SPAG16: variants seen among roughly 807,000 people sequenced by gnomAD.
SPAG16 encodes the protein sperm-associated antigen 16 protein.
A neutral mutation model predicts 80.4 loss-of-function variants in SPAG16; 86 were observed. The ratio of observed to expected loss-of-function variants is 1.07; its 90% CI spans 0.90 to 1.28. SPAG16 has a LOEUF of 1.28. SPAG16 is among the 50% of genes most tolerant of loss of function. The probability of loss-of-function intolerance (pLI) is 0.00; values close to 1 mark genes in which losing one functional copy is unlikely to be tolerated. For missense variants in SPAG16, 870 were observed against 765.3 expected (o/e 1.14, Z -1.61); for synonymous variants, 294 against 265.9 (o/e 1.11, Z -1.03).
At chr2:213,334,105 T>C (rs749102744) in intron 5 of SPAG16, among the ~76,000 whole-genome samples, 14 of 151,840 alleles carry the variant, frequency 9.2e-5, no homozygotes, top group Non-Finnish European at 1.9e-4. Context: ...TATAAGAAAC[T>C]CTATAGGAAA....
intron 14 of SPAG16, among the ~76,000 whole-genome samples, chr2:214,108,481 C>CACCCA (rs879629337): frequency 2.7e-5 from 2 of 74,850 alleles, no homozygotes; most frequent in African/African-American, 1.4e-4. Flanking sequence ...ACACACACAC[C>CACCCA]CCCACACACA....
chr2:213,919,473 T>C (rs1410021945), intron 11 of SPAG16, among the ~76,000 whole-genome samples: 1 of 152,220 alleles, frequency 6.6e-6, no homozygotes, highest in Non-Finnish European at 1.5e-5. Context: ...CCAGAAATTT[T>C]GGTATGTTGT....
At chr2:213,544,960 T>C (rs1237790200) in intron 10 of SPAG16, among the ~76,000 whole-genome samples, 3 of 152,134 alleles carry the variant, frequency 2.0e-5, no homozygotes, top group African/African-American at 7.2e-5. Flanking sequence ...TTGAAAATTG[T>C]GAAGAAAGCT....
intron 11 of SPAG16, among the ~76,000 whole-genome samples, chr2:213,888,257 T>C (rs2076643313): frequency 6.6e-6 from 1 of 151,888 alleles, no homozygotes; most frequent in Non-Finnish European, 1.5e-5. Context: ...TTTTATTTTC[T>C]GACAAAGCTC....
At chr2:214,313,679 C>T (rs1695483228) in intron 15 of SPAG16, among the ~76,000 whole-genome samples, 2 of 151,942 alleles carry the variant, frequency 1.3e-5, no homozygotes, top group South Asian at 2.1e-4. Flanking sequence ...TTCACATGAC[C>T]TCTTTGCAAT....
chr2:213,541,484 G>T (rs2076445573), intron 10 of SPAG16, among the ~76,000 whole-genome samples: 1 of 152,136 alleles, frequency 6.6e-6, no homozygotes, highest in Admixed American at 6.5e-5. Flanking sequence ...GCCTGGCGTG[G>T]TGGCACACAC....
At chr2:213,993,412 C>T (rs1476764212) in intron 12 of SPAG16, among the ~76,000 whole-genome samples, 1 of 152,080 alleles carries the variant, frequency 6.6e-6, no homozygotes, top group East Asian at 1.9e-4. Flanking sequence ...TGCATATGTA[C>T]AAATAATTTG....
intron 14 of SPAG16, among the ~76,000 whole-genome samples, chr2:214,122,236 T>C (rs2125459553): frequency 6.6e-6 from 1 of 151,930 alleles, no homozygotes; most frequent in Admixed American, 6.6e-5. Context: ...GTATGAAACC[T>C]GAGCTAAATC....
At position 213,979,742 on chromosome 2, in the gene SPAG16, G is replaced by A. The variant is rs571188931; in HGVS notation, c.1401-34209G>A. On this transcript the variant is annotated intron_variant, in intron 12 of 15. Transcript: ENST00000331683. The stretch of plus-strand genomic sequence containing the variant: ...TGGAGTCACAGACCTGAACCATATC[G>A]CCACCTAAACCTCATGCCTCACCTA... Among the ~76,000 whole-genome samples the A allele has an allele frequency of 3.9e-5, 6 of 152,066 alleles. No homozygotes were observed. The South Asian group carries it at 1.0e-3, about 26-fold the overall frequency.
intron 10 of SPAG16, among the ~76,000 whole-genome samples, chr2:213,806,908 A>C (rs536742689): frequency 1.3e-5 from 2 of 152,174 alleles, no homozygotes; most frequent in Non-Finnish European, 2.9e-5. Flanking sequence ...TCTTTACTAA[A>C]CAGTAAATGC....
At chr2:213,748,641 CG>C (rs1207605507) in intron 10 of SPAG16, among the ~76,000 whole-genome samples, 1 of 151,932 alleles carries the variant, frequency 6.6e-6, no homozygotes, top group Admixed American at 6.5e-5. Context: ...TGAAAGTAAG[CG>C]TAAGGACTAT....
At chr2:214,047,272 C>G (rs1050672757) in intron 13 of SPAG16, among the ~76,000 whole-genome samples, 3 of 152,084 alleles carry the variant, frequency 2.0e-5, no homozygotes, top group African/African-American at 7.2e-5. Flanking sequence ...ATCACATTAC[C>G]TGACTTCAAA....
intron 10 of SPAG16, among the ~76,000 whole-genome samples, chr2:213,853,744 T>C (rs2075022080): frequency 6.6e-6 from 1 of 152,196 alleles, no homozygotes; most frequent in Admixed American, 6.5e-5. Flanking sequence ...TGAAGTAAAA[T>C]GACTTTGTGG....
intron 10 of SPAG16, among the ~76,000 whole-genome samples, chr2:213,712,118 G>A (rs770236200): frequency 4.6e-5 from 7 of 151,896 alleles, no homozygotes; most frequent in Non-Finnish European, 2.9e-5. Context: ...CAATGATATG[G>A]CCATGGATGT....
chr2:214,252,962 T>C (rs192972809), intron 15 of SPAG16, among the ~76,000 whole-genome samples: 1 of 152,240 alleles, frequency 6.6e-6, no homozygotes, highest in East Asian at 1.9e-4. Flanking sequence ...GCATCTGTTG[T>C]TTCCTGACTT....
chr2:213,692,652 T>C (rs966381416), intron 10 of SPAG16, among the ~76,000 whole-genome samples: 1 of 151,724 alleles, frequency 6.6e-6, no homozygotes, highest in Non-Finnish European at 1.5e-5. Flanking sequence ...CTACTAAAAA[T>C]ACAAAAAATT....
chr2:213,553,697 G>C (rs959716271), intron 10 of SPAG16, among the ~76,000 whole-genome samples: 1 of 152,042 alleles, frequency 6.6e-6, no homozygotes, highest in African/African-American at 2.4e-5. Context: ...ACTACAATAG[G>C]CGTGATCATG....
intron 10 of SPAG16, among the ~76,000 whole-genome samples, chr2:213,750,270 G>A (rs2068020720): frequency 6.6e-6 from 1 of 152,122 alleles, no homozygotes; most frequent in Non-Finnish European, 1.5e-5. Context: ...AATGCCAGCT[G>A]CCTGCATTCA....
At chr2:213,765,650 T>C (rs903497806) in intron 10 of SPAG16, among the ~76,000 whole-genome samples, 1 of 152,158 alleles carries the variant, frequency 6.6e-6, no homozygotes, top group Admixed American at 6.5e-5. Flanking sequence ...ATTCTTCCAG[T>C]ATATACTCAT....
Sources: gnomAD v4.1 joint callset for allele counts (sites outside exome capture counted in the v4.1 genomes callset) on GRCh38, gnomAD v4.1.1 for gene constraint, MANE v1.5 for transcripts, NCBI Gene and HGNC (gene_info 2026-07-23, HGNC 2026-07-21) for gene names.